TRIM2: variants seen among roughly 807,000 people sequenced by gnomAD.
The protein encoded by TRIM2 is tripartite motif-containing protein 2.
TRIM2 carries 20 observed loss-of-function variants against 75.2 expected under a neutral mutation model. The observed-to-expected ratio is 0.27, with a 90% CI of 0.19 to 0.39. The LOEUF is 0.39. TRIM2 is among the 10% of genes least tolerant of loss of function. TRIM2 has a pLI of 1.00. For missense variants in TRIM2, 660 were observed against 990.8 expected (o/e 0.67, Z 4.48); for synonymous variants, 373 against 388.3 (o/e 0.96, Z 0.46).
Position 153,337,450 on chromosome 4 carries a change from C to T in TRIM2, c.*2484C>T. On this transcript the variant is annotated 3_prime_UTR_variant, in exon 12 of 12. Coordinates refer to ENST00000338700, the MANE Select transcript of TRIM2 (RefSeq NM_015271.5). The stretch of plus-strand genomic sequence containing the variant: ...GAATGAAAGAATAGTTTGATTCAGA[C>T]CTGCTCCACTATGTGTTGCTAAAAC... 1.0e-6 allele frequency: 1 copy of T among 985,818 alleles called. No homozygotes were observed. Among genetic ancestry groups the T allele is most frequent in the African/African-American group, 1.7e-5 (1 of 57,354 alleles). The allele number at this position is 985,818 out of a possible 1,614,324, so 61.1% of individuals were successfully genotyped here.
intron 1 of TRIM2, among the ~76,000 whole-genome samples, chr4:153,235,227 A>G (rs980852965): frequency 3.3e-5 from 5 of 152,142 alleles, no homozygotes; most frequent in African/African-American, 7.2e-5. Flanking sequence ...TGAAGCACTC[A>G]AAGTCAGTTT....
intron 1 of TRIM2, among the ~76,000 whole-genome samples, chr4:153,196,519 T>C (rs1733796359): frequency 6.6e-6 from 1 of 152,060 alleles, no homozygotes; most frequent in Non-Finnish European, 1.5e-5. Context: ...ATGCCTGGGG[T>C]TGGTTGTGAG....
intron 6 of TRIM2, among the ~76,000 whole-genome samples, chr4:153,312,516 C>T (rs1161062542): frequency 6.6e-6 from 1 of 152,068 alleles, no homozygotes; most frequent in African/African-American, 2.4e-5. Flanking sequence ...GATACCATCT[C>T]ACACCAGTTA....
intron 1 of TRIM2, among the ~76,000 whole-genome samples, chr4:153,177,474 C>T (rs1157144956): frequency 2.6e-5 from 4 of 151,952 alleles, no homozygotes; most frequent in Admixed American, 6.6e-5. Flanking sequence ...GGTGAAACCC[C>T]GTCTCTACTA....
In TRIM2 at chr4:153,295,055, T is replaced by A. The variant is rs1425430459; in HGVS notation, c.787-258T>A. On this transcript the variant is annotated intron_variant, in intron 5 of 11. Coordinates refer to ENST00000338700, the MANE Select transcript of TRIM2 (RefSeq NM_015271.5). This position sits in a 1 kb window ranked among gnomAD's most constrained non-coding sequence, Gnocchi z 7.2. ...GCTCTTGGTAGTGACCTTTCTGTTTTCCCCTCTCCAAAACACATGAGCCAA... is the reference window on the plus strand; with the variant it reads ...GCTCTTGGTAGTGACCTTTCTGTTTACCCCTCTCCAAAACACATGAGCCAA... Among the ~76,000 whole-genome samples, 1 of 152,184 alleles carries A rather than the reference T, an allele frequency of 6.6e-6. No individual in the cohort carries two copies. The highest frequency in any genetic ancestry group is 2.4e-5 in the African/African-American group (1 of 41,448).
At chr4:153,310,776 A>G (rs1478538672) in intron 6 of TRIM2, among the ~76,000 whole-genome samples, 1 of 152,224 alleles carries the variant, frequency 6.6e-6, no homozygotes, top group Non-Finnish European at 1.5e-5. Context: ...AAAAACAAAT[A>G]TTGCAAAATA....
chr4:153,321,805 T>C (rs1208095253), intron 8 of TRIM2, among the ~76,000 whole-genome samples: 2 of 152,240 alleles, frequency 1.3e-5, no homozygotes, highest in African/African-American at 4.8e-5. Flanking sequence ...GACTGCTTGC[T>C]GTGTGCTACA....
chr4:153,219,545 A>G (rs1739398484), intron 1 of TRIM2, among the ~76,000 whole-genome samples: 1 of 152,206 alleles, frequency 6.6e-6, no homozygotes, highest in Non-Finnish European at 1.5e-5. Flanking sequence ...AAAAGTTTAA[A>G]ATCAAGGACT....
chr4:153,161,330 G>A (rs531130235), intron 1 of TRIM2, among the ~76,000 whole-genome samples: 23 of 152,148 alleles, frequency 1.5e-4, no homozygotes, highest in African/African-American at 3.4e-4. Flanking sequence ...TTGAACGTAC[G>A]TGCTATATGG....
intron 1 of TRIM2, among the ~76,000 whole-genome samples, chr4:153,179,305 TTAAAA>T (rs1731802545): frequency 6.7e-6 from 1 of 149,896 alleles, no homozygotes; most frequent in African/African-American, 2.4e-5. Flanking sequence ...TAAATTTATG[TTAAAA>T]TAAATTTTAA....
chr4:153,272,324 AT>A (rs36042336), intron 2 of TRIM2, among the ~76,000 whole-genome samples: 1 of 151,686 alleles, frequency 6.6e-6, no homozygotes, highest in African/African-American at 2.4e-5. Context: ...AATTTTTTGT[AT>A]TTTTAGTAGA....
chr4:153,328,801 C>T, intron 11 of TRIM2, 131 bp downstream of exon 11: 2 of 994,764 alleles, frequency 2.0e-6, no homozygotes, highest in Non-Finnish European at 2.7e-6. Flanking sequence ...ATACTCTCAC[C>T]AGAAGGACCA....
At chr4:153,317,641 C>T (rs1341338701) in intron 8 of TRIM2, among the ~76,000 whole-genome samples, 1 of 141,852 alleles carries the variant, frequency 7.0e-6, no homozygotes, top group Non-Finnish European at 1.5e-5. Flanking sequence ...CAAAGCAAGA[C>T]TCTGTCTCAA....
intron 3 of TRIM2, among the ~76,000 whole-genome samples, chr4:153,288,979 C>T (rs1365624641): frequency 6.6e-6 from 1 of 152,022 alleles, no homozygotes; most frequent in Non-Finnish European, 1.5e-5. Context: ...TTTAGTGAGA[C>T]ATTGTTCTCA....
intron 1 of TRIM2, among the ~76,000 whole-genome samples, chr4:153,229,245 A>T (rs1231166811): frequency 6.6e-6 from 1 of 152,060 alleles, no homozygotes; most frequent in Non-Finnish European, 1.5e-5. Flanking sequence ...AATATTCTGA[A>T]TTTTTTTGTT....
At chr4:153,237,332 C>T (rs1391474816) in intron 1 of TRIM2, among the ~76,000 whole-genome samples, 1 of 151,990 alleles carries the variant, frequency 6.6e-6, no homozygotes, top group Admixed American at 6.6e-5. Context: ...TACTAATATA[C>T]CTTTAATGCT....
At chr4:153,158,262 A>G (rs1383911730) in intron 1 of TRIM2, among the ~76,000 whole-genome samples, 1 of 152,240 alleles carries the variant, frequency 6.6e-6, no homozygotes, top group Non-Finnish European at 1.5e-5. Context: ...AAATGCAACT[A>G]TTCAATTCAT....
intron 1 of TRIM2, among the ~76,000 whole-genome samples, chr4:153,162,322 A>G (rs1729816779): frequency 6.6e-6 from 1 of 152,206 alleles, no homozygotes; most frequent in Non-Finnish European, 1.5e-5. Flanking sequence ...TTATGGAGAT[A>G]GACAAGTCCA....
intron 11 of TRIM2, among the ~76,000 whole-genome samples, chr4:153,330,027 T>C (rs1027249651): frequency 1.3e-5 from 2 of 151,984 alleles, no homozygotes; most frequent in Non-Finnish European, 2.9e-5. Context: ...AAAAGGATAA[T>C]AAGGGAATTC....
Sources: allele counts gnomAD v4.1 joint callset (sites outside exome capture counted in the v4.1 genomes callset), GRCh38; gene constraint gnomAD v4.1.1; non-coding constraint Gnocchi (gnomAD v3.1); transcripts MANE v1.5; gene names NCBI Gene and HGNC (gene_info 2026-07-23, HGNC 2026-07-21).